The following KDM4B variants were observed in gnomAD, a reference collection of about 807,000 sequenced individuals.
KDM4B encodes the protein lysine demethylase 4B, also known as lysine-specific demethylase 4B.
KDM4B carries 32 observed loss-of-function variants against 125.2 expected under a neutral mutation model. The ratio of observed to expected loss-of-function variants is 0.26; its 90% CI spans 0.19 to 0.34. The LOEUF is 0.34. KDM4B is among the 10% of genes least tolerant of loss of function. The pLI is 1.00. For missense variants in KDM4B, 1,190 were observed against 1,577.7 expected (o/e 0.75, Z 4.16); for synonymous variants, 721 against 677.9 (o/e 1.06, Z -0.99).
At chr19:4,990,824 A>T (rs902155338) in intron 1 of KDM4B, among the ~76,000 whole-genome samples, 16 of 151,994 alleles carry the variant, frequency 1.1e-4, no homozygotes, top group Non-Finnish European at 2.1e-4. Flanking sequence ...ATTTTTTTTA[A>T]AAAACTTTAT....
chr19:5,057,710 A>G (rs1161981471), intron 6 of KDM4B, among the ~76,000 whole-genome samples: 1 of 152,150 alleles, frequency 6.6e-6, no homozygotes, highest in East Asian at 1.9e-4. Context: ...GCCCTGTGGG[A>G]TCAGGAGGGC....
At chr19:4,975,214 T>G (rs972548471) in intron 1 of KDM4B, among the ~76,000 whole-genome samples, 1 of 152,230 alleles carries the variant, frequency 6.6e-6, no homozygotes, top group Non-Finnish European at 1.5e-5. Flanking sequence ...AGGTCATCTC[T>G]GTCCAGACCA....
At chr19:5,041,032 C>T (rs2036797949) in intron 4 of KDM4B, 105 bp from the exon 5 acceptor site, 1 of 686,264 alleles carries the variant, frequency 1.5e-6, no homozygotes, top group Admixed American at 2.4e-5. Flanking sequence ...GGAGCAGAGC[C>T]CCTCCCGCCT....
intron 11 of KDM4B, among the ~76,000 whole-genome samples, chr19:5,121,092 T>C (rs947708179): frequency 6.6e-6 from 1 of 152,200 alleles, no homozygotes; most frequent in African/African-American, 2.4e-5. Flanking sequence ...GTGGGGTGCC[T>C]GATCTGTGAC....
intron 1 of KDM4B, among the ~76,000 whole-genome samples, chr19:4,975,472 G>T (rs2034412458): frequency 6.6e-6 from 1 of 152,108 alleles, no homozygotes; most frequent in Non-Finnish European, 1.5e-5. Context: ...TACCTGGCTA[G>T]GGTGTGAGGG....
intron 6 of KDM4B, among the ~76,000 whole-genome samples, chr19:5,061,847 A>G (rs1044682787): frequency 6.6e-6 from 1 of 151,808 alleles, no homozygotes; most frequent in South Asian, 2.1e-4. Context: ...AAAACAAAAA[A>G]CAACAACAAA....
chr19:5,049,513 A>AT (rs1261339761), intron 6 of KDM4B, among the ~76,000 whole-genome samples: 1 of 151,772 alleles, frequency 6.6e-6, no homozygotes, highest in Admixed American at 6.6e-5. Flanking sequence ...GGGGCCTGGC[A>AT]TGAGGGGCCT....
intron 6 of KDM4B, among the ~76,000 whole-genome samples, chr19:5,064,390 C>T (rs6510837): frequency 0.074 from 11,155 of 151,074 alleles, 1,333 homozygotes; most frequent in African/African-American, 0.25. Flanking sequence ...CCCTCCAGCA[C>T]GCATTGGGCT....
intron 11 of KDM4B, among the ~76,000 whole-genome samples, chr19:5,128,638 C>A (rs1199866492): frequency 6.6e-6 from 1 of 152,198 alleles, no homozygotes; most frequent in Non-Finnish European, 1.5e-5. Flanking sequence ...GCCTCTGCAG[C>A]CTCCCCGGGC....
At chr19:5,085,720 C>G (rs1462060673) in intron 9 of KDM4B, among the ~76,000 whole-genome samples, 1 of 152,218 alleles carries the variant, frequency 6.6e-6, no homozygotes, top group African/African-American at 2.4e-5. Context: ...TGTAGTCAGG[C>G]CTGGCCTGGG....
intron 9 of KDM4B, among the ~76,000 whole-genome samples, chr19:5,103,884 T>G (rs1006300477): frequency 6.6e-6 from 1 of 151,984 alleles, no homozygotes; most frequent in Non-Finnish European, 1.5e-5. Context: ...CTTAAGGAGG[T>G]GAAGATGGGG....
At chr19:5,019,686 AGGTGTT>A (rs1327870611) in intron 2 of KDM4B, among the ~76,000 whole-genome samples, 36 of 114,928 alleles carry the variant, frequency 3.1e-4, no homozygotes, top group African/African-American at 1.1e-3. Flanking sequence ...GTTGGTGTGC[AGGTGTT>A]GGTGTGGGTG....
chr19:5,045,199 C>T lies in KDM4B; in HGVS notation c.433-2277C>T, dbSNP rs891221142. ...GAACGTTCCCAGGGCCCCGCTTCCCCGCCCCCATCTGGAGTTGTCGGTGTT... is the reference window on the plus strand; with the variant it reads ...GAACGTTCCCAGGGCCCCGCTTCCCTGCCCCCATCTGGAGTTGTCGGTGTT... On this transcript the variant is annotated intron_variant, in intron 5 of 22. Coordinates refer to ENST00000159111, the MANE Select transcript of KDM4B (RefSeq NM_015015.3). 3.9e-5 allele frequency among the ~76,000 whole-genome samples: 6 copies of T among 152,196 alleles called. No individual in the cohort carries two copies. In the South Asian group the frequency reaches 1.0e-3, roughly 26 times the overall value.
chr19:5,146,952 AAAAAAAAAAAC>A (rs2039860496), intron 21 of KDM4B, among the ~76,000 whole-genome samples: 1 of 150,572 alleles, frequency 6.6e-6, no homozygotes, highest in African/African-American at 2.4e-5. Context: ...AAAAAAAAAA[AAAAAAAAAAAC>A]AAAAACTCTG....
At position 5,129,866 on chromosome 19, in the gene KDM4B, A is replaced by C. The variant is rs1385068430; in HGVS notation, c.1316-1210A>C. On this transcript the variant is annotated intron_variant, in intron 11 of 22. Transcript: ENST00000159111. ...TGTGCGGCCAGGCTGGTCTTCCTCG[A>C]GGACAGGGCTCCAAGTTGCCGTGCC... Among the ~76,000 whole-genome samples, 3 of 152,286 alleles carry C rather than the reference A, an allele frequency of 2.0e-5. No individual in the cohort carries two copies. The East Asian group carries it at 5.8e-4, about 29-fold the overall frequency.
In KDM4B at chr19:5,027,364, C is replaced by T. The variant is rs377052800; in HGVS notation, c.-25-5502C>T. On this transcript the variant is annotated intron_variant, in intron 2 of 22. Transcript: ENST00000159111. ...CCCGGCTGTTTCCCACGCCTCCCCG[C>T]GTGTCCCCAAGACAAAAGGTCTGGG... 1.6e-4 allele frequency among the ~76,000 whole-genome samples: 24 copies of T among 152,236 alleles called. No homozygotes were observed. In the East Asian group the frequency reaches 2.9e-3, roughly 18 times the overall value.
intron 6 of KDM4B, among the ~76,000 whole-genome samples, chr19:5,055,566 C>T (rs1249948042): frequency 6.6e-6 from 1 of 152,062 alleles, no homozygotes; most frequent in Non-Finnish European, 1.5e-5. Context: ...GTGATGGGGG[C>T]CGGGTGGGCA....
rs113461428 is a variant in KDM4B, at chr19:5,151,302, C to T, written c.3115-33C>T. 456 of 1,453,724 alleles carry T rather than the reference C, an allele frequency of 3.1e-4. 1 individual carries two copies. The highest frequency in any genetic ancestry group is 3.7e-4 in the Non-Finnish European group (407 of 1,095,132). The allele number at this position is 1,453,724 out of a possible 1,614,324, so 90.1% of individuals were successfully genotyped here. Reference sequence around the variant, plus strand: ...CTGGGGCCGCACAGAGTGTCTCCACCGTGCTAACCACTGTGCTTCCGCTCT... The same window carrying T: ...CTGGGGCCGCACAGAGTGTCTCCACTGTGCTAACCACTGTGCTTCCGCTCT... On this transcript the variant is annotated intron_variant, in intron 22 of 22. Transcript: ENST00000159111.
chr19:4,980,868 G>A (rs79416233), intron 1 of KDM4B, among the ~76,000 whole-genome samples: 9,119 of 149,512 alleles, frequency 0.061, 334 homozygotes, highest in Admixed American at 0.095. Context: ...CAGAGCTCAG[G>A]GATTCCTGTG....
Sources: gnomAD v4.1 joint callset for allele counts (sites outside exome capture counted in the v4.1 genomes callset) on GRCh38, gnomAD v4.1.1 for gene constraint, MANE v1.5 for transcripts, NCBI Gene and HGNC (gene_info 2026-07-23, HGNC 2026-07-21) for gene names.